The following ITGB5 variants were observed in gnomAD, a reference collection of about 807,000 sequenced individuals.
ITGB5 encodes integrin beta-5.
A neutral mutation model predicts 84.8 loss-of-function variants in ITGB5; 38 were observed. That is an observed-to-expected ratio of 0.45 (90% CI 0.35 to 0.59). The LOEUF is 0.59. ITGB5 is among the 20% of genes least tolerant of loss of function. The pLI, the probability that ITGB5 is intolerant of heterozygous loss-of-function variation, is 0.01. For missense variants in ITGB5, 905 were observed against 1,034.5 expected (o/e 0.87, Z 1.72); for synonymous variants, 393 against 414.4 (o/e 0.95, Z 0.63).
intron 9 of ITGB5, among the ~76,000 whole-genome samples, chr3:124,800,671 C>T (rs760111508): frequency 6.6e-6 from 1 of 152,160 alleles, no homozygotes; most frequent in Admixed American, 6.5e-5. Context: ...CTGCTGGGCA[C>T]GGGAAGTGCT....
intron 3 of ITGB5, among the ~76,000 whole-genome samples, chr3:124,858,206 T>C (rs1313354469): frequency 6.6e-6 from 1 of 151,862 alleles, no homozygotes; most frequent in Non-Finnish European, 1.5e-5. Context: ...TGTGCAAAAC[T>C]GTTTCTTTAT....
At chr3:124,777,441 G>T (rs922814780) in intron 10 of ITGB5, among the ~76,000 whole-genome samples, 1 of 152,194 alleles carries the variant, frequency 6.6e-6, no homozygotes, top group Non-Finnish European at 1.5e-5. Context: ...ATAAGCCCCA[G>T]GCTTCACACT....
intron 10 of ITGB5, among the ~76,000 whole-genome samples, chr3:124,779,798 C>T (rs1325049199): frequency 6.6e-6 from 1 of 152,130 alleles, no homozygotes; most frequent in African/African-American, 2.4e-5. Flanking sequence ...AACATCACTG[C>T]CTTATCATGG....
chr3:124,821,989 C>G (rs980400603), intron 5 of ITGB5, among the ~76,000 whole-genome samples: 1 of 152,190 alleles, frequency 6.6e-6, no homozygotes, highest in Non-Finnish European at 1.5e-5. Flanking sequence ...ATGGGTCTGT[C>G]TTTTGAGGGT....
chr3:124,828,913 C>T (rs2064821450), intron 5 of ITGB5, among the ~76,000 whole-genome samples: 1 of 152,216 alleles, frequency 6.6e-6, no homozygotes, highest in Admixed American at 6.5e-5. Flanking sequence ...CTTACTTAAT[C>T]TTTCCCTATC....
At chr3:124,787,150 C>T (rs2064092903) in intron 10 of ITGB5, among the ~76,000 whole-genome samples, 2 of 152,172 alleles carry the variant, frequency 1.3e-5, no homozygotes, top group South Asian at 2.1e-4. Context: ...TTCAAAGGCA[C>T]ACACAGAATC....
chr3:124,836,924 T>C (rs1266032378), intron 5 of ITGB5, among the ~76,000 whole-genome samples: 1 of 152,146 alleles, frequency 6.6e-6, no homozygotes, highest in African/African-American at 2.4e-5. Context: ...ATTAAAAGAA[T>C]CAGGATTAAA....
chr3:124,807,941 C>CAAAAAAAAAA (rs552552243), intron 9 of ITGB5, among the ~76,000 whole-genome samples: 2 of 26,802 alleles, frequency 7.5e-5, no homozygotes, highest in African/African-American at 1.1e-4. Flanking sequence ...GACTTCATCT[C>CAAAAAAAAAA]AAAAAAAAAA....
At chr3:124,821,241 G>C (rs1381404801) in intron 6 of ITGB5, 72 bp downstream of exon 6, 3 of 1,505,618 alleles carry the variant, frequency 2.0e-6, no homozygotes, top group Non-Finnish European at 2.7e-6. Flanking sequence ...TCAAGGCTGG[G>C]CAAGTACTAA....
chr3:124,857,685 C>T (rs1315617916), intron 3 of ITGB5, among the ~76,000 whole-genome samples: 1 of 152,170 alleles, frequency 6.6e-6, no homozygotes, highest in Non-Finnish European at 1.5e-5. Flanking sequence ...CACATCTAAC[C>T]CTTTGACATT....
In ITGB5 at chr3:124,764,427, C is replaced by T; in HGVS notation, c.2268G>A (p.Lys756=). Residue 756 remains lysine (K), a synonymous_variant, in exon 14 of 15, where the codon AAG becomes AAA. Transcript: ENST00000296181. The stretch of plus-strand genomic sequence containing the variant: ...GGGCCCTGGATCGCTCGCTCTGAAA[C>T]TTTGCAAACTCCCTCCGGTCGTGGA... ...VTIHDRREFA[K]FQSERSRARY... 1.2e-6 allele frequency: 2 copies of T among 1,613,788 alleles called. No individual in the cohort carries two copies. The highest frequency in any genetic ancestry group is 1.7e-6 in the Non-Finnish European group (2 of 1,179,694).
intron 8 of ITGB5, 42 bp from the exon 9 acceptor site, chr3:124,809,198 G>C: frequency 6.2e-7 from 1 of 1,610,424 alleles, no homozygotes. Context: ...TTTAATAAAG[G>C]CTGTGGCTGA....
Position 124,841,441 on chromosome 3 carries a change from CGGGACACCCTCTGT to C in ITGB5, c.708_721del (p.Gln237GlufsTer6). ...GCCCCCCTCAGGGGCATCTCGGTTC[CGGGACACCCTCTGT>C]TTCCGAACTTCCTCATTGAAGCTGT... On this transcript the variant is annotated frameshift_variant, in exon 5 of 15. Transcript: ENST00000296181. LOFTEE classifies it high-confidence loss of function. The C allele has an allele frequency of 6.2e-7, 1 of 1,614,204 alleles. No individual in the cohort carries two copies. Among genetic ancestry groups the C allele is most frequent in the Non-Finnish European group, 8.5e-7 (1 of 1,180,034 alleles).
chr3:124,836,142 G>C (rs1371815669), intron 5 of ITGB5, among the ~76,000 whole-genome samples: 1 of 151,840 alleles, frequency 6.6e-6, no homozygotes, highest in Non-Finnish European at 1.5e-5. Context: ...GCCGATAACA[G>C]AAGAGGCAGA....
At chr3:124,810,562 C>T (rs2064483694) in intron 8 of ITGB5, among the ~76,000 whole-genome samples, 2 of 151,954 alleles carry the variant, frequency 1.3e-5, no homozygotes, top group African/African-American at 4.8e-5. Flanking sequence ...CATGCCAGTG[C>T]ACTCCAGCCT....
intron 2 of ITGB5, among the ~76,000 whole-genome samples, chr3:124,864,058 G>A (rs370923355): frequency 8.1e-6 from 1 of 123,198 alleles, no homozygotes; most frequent in African/African-American, 2.8e-5. Context: ...GAAAAAGAAA[G>A]AAAGAAAGAA....
intron 8 of ITGB5, chr3:124,809,383 G>A: frequency 1.9e-6 from 1 of 528,386 alleles, no homozygotes; most frequent in Admixed American, 3.1e-5. Flanking sequence ...TGTGAGTTTG[G>A]AGAAGTTGAT....
intron 2 of ITGB5, among the ~76,000 whole-genome samples, chr3:124,868,062 C>G (rs1449187717): frequency 6.6e-6 from 1 of 152,120 alleles, no homozygotes; most frequent in Admixed American, 6.5e-5. Flanking sequence ...GGCTCTTCCC[C>G]CTTTGCTCAG....
chr3:124,846,930 G>A (rs771845102), intron 4 of ITGB5, among the ~76,000 whole-genome samples: 9 of 151,888 alleles, frequency 5.9e-5, no homozygotes, highest in Non-Finnish European at 1.2e-4. Flanking sequence ...GCAAGACTCC[G>A]TCTCAAAAAA....
Sources: allele counts gnomAD v4.1 joint callset (sites outside exome capture counted in the v4.1 genomes callset), GRCh38; gene constraint gnomAD v4.1.1; transcripts MANE v1.5; gene names NCBI Gene and HGNC (gene_info 2026-07-23, HGNC 2026-07-21).